The following SLC24A2 variants were observed in gnomAD, a reference collection of about 807,000 sequenced individuals.
SLC24A2 encodes the protein solute carrier family 24 member 2, also known as sodium/potassium/calcium exchanger 2.
A neutral mutation model predicts 62.0 loss-of-function variants in SLC24A2; 36 were observed. The ratio of observed to expected loss-of-function variants is 0.58; its 90% CI spans 0.44 to 0.77. The LOEUF (loss-of-function observed/expected upper bound fraction) is 0.77, where lower values mean the gene tolerates loss of function less well. SLC24A2 is among the 30% of genes least tolerant of loss of function. The probability of loss-of-function intolerance (pLI) is 0.00; values close to 1 mark genes in which losing one functional copy is unlikely to be tolerated. For synonymous variants in SLC24A2, 358 were observed against 294.0 expected, an observed-to-expected ratio of 1.22 and a Z score of -2.23; for missense variants, 846 against 817.9, an observed-to-expected ratio of 1.03 and a Z score of -0.42.
chr9:20,026,819 G>A, the SLC24A2 span, among the ~76,000 whole-genome samples: 463 of 152,172 alleles, frequency 3.0e-3, 6 homozygotes, highest in Admixed American at 0.029. Flanking sequence ...GCAAAAAACA[G>A]ACAAATGGGA....
chr9:19,521,015 T>C lies in SLC24A2; in HGVS notation c.1615A>G (p.Ile539Val), dbSNP rs776789428. ...GISEEIMGLT[I>V]LAAGTSIPDL... Reference sequence around the variant, plus strand: ...GGGATGGAGGTCCCAGCAGCCAAGATGGTCAGGCCCATAATCTCTTCACTG... The same window carrying C: ...GGGATGGAGGTCCCAGCAGCCAAGACGGTCAGGCCCATAATCTCTTCACTG... Residue 539 changes from isoleucine (I) to valine (V), a missense_variant, in exon 10 of 11, where the codon ATC becomes GTC. Ile to Val is a conservative substitution (Grantham distance 29). Coordinates refer to ENST00000341998, the MANE Select transcript of SLC24A2 (RefSeq NM_020344.4). The C allele has an allele frequency of 2.3e-5, 37 of 1,614,146 alleles. No homozygotes were observed. The Middle Eastern group carries it at 4.9e-4, about 22-fold the overall frequency.
the SLC24A2 span, among the ~76,000 whole-genome samples, chr9:20,245,518 G>C: frequency 6.6e-6 from 1 of 152,174 alleles, no homozygotes; most frequent in Non-Finnish European, 1.5e-5. Context: ...GTGTGGGTTT[G>C]GAGTCAGAAG....
At chr9:20,167,809 T>A in the SLC24A2 span, among the ~76,000 whole-genome samples, 2 of 151,890 alleles carry the variant, frequency 1.3e-5, no homozygotes, top group Admixed American at 1.3e-4. Flanking sequence ...AGTCTCAAAT[T>A]TTTGGCCTCA....
the SLC24A2 span, among the ~76,000 whole-genome samples, chr9:20,082,802 T>C: frequency 6.6e-6 from 1 of 152,364 alleles, no homozygotes; most frequent in Non-Finnish European, 1.5e-5. Context: ...AATTTTATAT[T>C]ATGTGCAATT....
chr9:19,629,066 A>G (rs1022031558), intron 2 of SLC24A2, among the ~76,000 whole-genome samples: 1 of 152,152 alleles, frequency 6.6e-6, no homozygotes, highest in African/African-American at 2.4e-5. Context: ...ATCTCATCGA[A>G]TCCTCACAAT....
intron 2 of SLC24A2, among the ~76,000 whole-genome samples, chr9:19,683,166 C>G (rs923652548): frequency 6.6e-6 from 1 of 152,068 alleles, no homozygotes; most frequent in Non-Finnish European, 1.5e-5. Context: ...CTATTGAACA[C>G]TTACTGTATG....
the SLC24A2 span, among the ~76,000 whole-genome samples, chr9:20,229,258 G>C: frequency 5.4e-4 from 82 of 152,274 alleles, no homozygotes; most frequent in African/African-American, 1.9e-3. Context: ...TCCAGGCTCT[G>C]TTACTTAATA....
chr9:20,086,797 C>A, the SLC24A2 span, among the ~76,000 whole-genome samples: 3 of 152,174 alleles, frequency 2.0e-5, no homozygotes, highest in African/African-American at 7.2e-5. Context: ...TTTGTTCCTG[C>A]CCGTGAGAAC....
intron 8 of SLC24A2, among the ~76,000 whole-genome samples, chr9:19,543,862 T>C (rs1834410688): frequency 6.6e-6 from 1 of 152,184 alleles, no homozygotes; most frequent in Admixed American, 6.5e-5. Flanking sequence ...ATGTGGTCCA[T>C]TTTAGAATAA....
chr9:20,184,376 C>G, the SLC24A2 span, among the ~76,000 whole-genome samples: 208 of 152,030 alleles, frequency 1.4e-3, no homozygotes, highest in Admixed American at 2.3e-3. Flanking sequence ...ATGGTGAAAC[C>G]CTGTCTCTAC....
At chr9:19,981,825 G>T in the SLC24A2 span, among the ~76,000 whole-genome samples, 7 of 152,038 alleles carry the variant, frequency 4.6e-5, no homozygotes, top group African/African-American at 1.4e-4. Context: ...GTCTCTGCTT[G>T]CATGGTGTCT....
intron 2 of SLC24A2, among the ~76,000 whole-genome samples, chr9:19,763,851 C>A (rs541364742): frequency 1.3e-5 from 2 of 152,268 alleles, no homozygotes; most frequent in South Asian, 4.1e-4. Context: ...AGGACTTTCT[C>A]TTTTTCTATT....
chr9:19,573,157 C>CA (rs1442915153), intron 7 of SLC24A2, among the ~76,000 whole-genome samples, 194 bp downstream of exon 7: 1 of 152,094 alleles, frequency 6.6e-6, no homozygotes, highest in Admixed American at 6.5e-5. Flanking sequence ...CATATTCATT[C>CA]AATAAATGTA....
the SLC24A2 span, among the ~76,000 whole-genome samples, chr9:20,229,961 C>T: frequency 6.7e-6 from 1 of 149,292 alleles, no homozygotes; most frequent in African/African-American, 2.5e-5. Flanking sequence ...TCAATTCGCA[C>T]CTATGAGTGA....
the SLC24A2 span, chr9:19,967,571 T>C: frequency 6.6e-6 from 1 of 152,220 alleles, no homozygotes; most frequent in Non-Finnish European, 1.5e-5. Flanking sequence ...TTTAGTTCTT[T>C]CCATGCTTCC....
At chr9:19,601,317 T>C (rs1010521091) in intron 4 of SLC24A2, among the ~76,000 whole-genome samples, 12 of 152,182 alleles carry the variant, frequency 7.9e-5, no homozygotes, top group African/African-American at 2.9e-4. Flanking sequence ...AAGAGCATTC[T>C]GATAGGACAG....
chr9:20,163,827 G>A, the SLC24A2 span, among the ~76,000 whole-genome samples: 2 of 151,950 alleles, frequency 1.3e-5, no homozygotes, highest in African/African-American at 4.8e-5. Context: ...AAGTAACGCC[G>A]CATATCTACA....
At chr9:19,773,594 C>T (rs1349785281) in intron 2 of SLC24A2, among the ~76,000 whole-genome samples, 1 of 152,190 alleles carries the variant, frequency 6.6e-6, no homozygotes, top group Non-Finnish European at 1.5e-5. Context: ...ATCATGAACA[C>T]TCATCATCAC....
At chr9:20,134,570 A>G in the SLC24A2 span, among the ~76,000 whole-genome samples, 3 of 152,180 alleles carry the variant, frequency 2.0e-5, no homozygotes, top group Non-Finnish European at 4.4e-5. Flanking sequence ...ATAGGGATTT[A>G]GAGATTGGTA....
Sources: gnomAD v4.1 joint callset for allele counts (sites outside exome capture counted in the v4.1 genomes callset) on GRCh38, gnomAD v4.1.1 for gene constraint, MANE v1.5 for transcripts, NCBI Gene and HGNC (gene_info 2026-07-23, HGNC 2026-07-21) for gene names.